CCDC172: variants seen among roughly 807,000 people sequenced by gnomAD.
CCDC172 encodes the protein coiled-coil domain-containing protein 172.
CCDC172 carries 30 observed loss-of-function variants against 38.0 expected under a neutral mutation model. The observed-to-expected ratio is 0.79, with a 90% CI of 0.59 to 1.07. CCDC172 has a LOEUF of 1.07. Among genes scored for constraint, CCDC172 ranks in the 50% least tolerant of loss-of-function variants. The pLI is 0.00. For missense variants in CCDC172, 297 were observed against 290.1 expected, an observed-to-expected ratio of 1.02 and a Z score of -0.17; for synonymous variants, 78 against 88.3, an observed-to-expected ratio of 0.88 and a Z score of 0.66.
chr10:116,355,206 T>C (rs1221997177), intron 5 of CCDC172, among the ~76,000 whole-genome samples: 1 of 152,214 alleles, frequency 6.6e-6, no homozygotes, highest in Non-Finnish European at 1.5e-5. Context: ...GCTCCATTCA[T>C]GGTAAGTATC....
intron 7 of CCDC172, among the ~76,000 whole-genome samples, chr10:116,365,362 C>G (rs1845111289): frequency 6.6e-6 from 1 of 152,130 alleles, no homozygotes; most frequent in Admixed American, 6.5e-5. Context: ...CCACCTAATT[C>G]TGATAGGCAT....
intron 3 of CCDC172, among the ~76,000 whole-genome samples, chr10:116,333,571 G>A (rs1844692431): frequency 6.6e-6 from 1 of 152,132 alleles, no homozygotes; most frequent in Non-Finnish European, 1.5e-5. Context: ...GATAGGTAAG[G>A]TAAGGTACTG....
intron 5 of CCDC172, among the ~76,000 whole-genome samples, chr10:116,353,604 T>C (rs1427909655): frequency 3.9e-5 from 6 of 152,198 alleles, no homozygotes; most frequent in Non-Finnish European, 8.8e-5. Context: ...ACAAAGCCAC[T>C]TCCAGTAGGG....
intron 3 of CCDC172, among the ~76,000 whole-genome samples, chr10:116,326,348 T>C (rs1367279129): frequency 6.6e-6 from 1 of 152,188 alleles, no homozygotes; most frequent in Non-Finnish European, 1.5e-5. Context: ...AAGGCCTCGC[T>C]ATGGGTGGGG....
chr10:116,360,760 C>T (rs534355744), intron 7 of CCDC172, among the ~76,000 whole-genome samples: 1 of 152,082 alleles, frequency 6.6e-6, no homozygotes, highest in Non-Finnish European at 1.5e-5. Flanking sequence ...TCTGCTTCTC[C>T]ATCTCTTAAG....
intron 7 of CCDC172, among the ~76,000 whole-genome samples, chr10:116,376,450 T>C (rs1243838741): frequency 6.6e-6 from 1 of 152,202 alleles, no homozygotes; most frequent in Non-Finnish European, 1.5e-5. Context: ...CCACAGCTCC[T>C]AGCTTTTGTT....
chr10:116,324,704 G>T, intron 1 of CCDC172, 91 bp downstream of exon 1: 1 of 304,436 alleles, frequency 3.3e-6, no homozygotes, highest in Non-Finnish European at 6.1e-6. Context: ...AGGGAAAAAG[G>T]CAGACCTTGA....
At chr10:116,332,739 GT>G (rs199802492) in intron 3 of CCDC172, among the ~76,000 whole-genome samples, 26 of 148,086 alleles carry the variant, frequency 1.8e-4, no homozygotes, top group African/African-American at 3.7e-4. Context: ...TACAGATATG[GT>G]TTTTTTTTTC....
intron 5 of CCDC172, among the ~76,000 whole-genome samples, chr10:116,344,384 T>C (rs1378200832): frequency 6.6e-6 from 1 of 152,244 alleles, no homozygotes; most frequent in Non-Finnish European, 1.5e-5. Flanking sequence ...GTTACTATAC[T>C]GAAGACTGTA....
In CCDC172 at chr10:116,357,880, C is replaced by T. The variant is rs1241590669; in HGVS notation, c.595C>T (p.Leu199=). 2.5e-6 allele frequency: 4 copies of T among 1,571,046 alleles called. No individual in the cohort carries two copies. The Admixed American group carries it at 5.9e-5, about 23-fold the overall frequency. Residue 199 remains leucine (L), a synonymous_variant, in exon 7 of 9, where the codon CTA becomes TTA. Transcript: ENST00000333254. Reference sequence around the variant, plus strand: ...TGAATCCATTTGTACTACCAAATATCTAGAGGCAGAAAAAATAAAAATCAG... The same window carrying T: ...TGAATCCATTTGTACTACCAAATATTTAGAGGCAGAAAAAATAAAAATCAG... ...ENESICTTKY[L]EAEKIKISEK... is the part of the protein sequence containing the mutation.
chr10:116,364,016 T>A (rs1348047505), intron 7 of CCDC172, among the ~76,000 whole-genome samples: 1 of 151,624 alleles, frequency 6.6e-6, no homozygotes, highest in Non-Finnish European at 1.5e-5. Context: ...TAAACTGGAA[T>A]AAAATTATAG....
chr10:116,330,816 C>T (rs1014670018), intron 3 of CCDC172, among the ~76,000 whole-genome samples: 4 of 152,140 alleles, frequency 2.6e-5, no homozygotes, highest in Non-Finnish European at 2.9e-5. Context: ...TCACTGCAAC[C>T]TCAAACTCCT....
intron 3 of CCDC172, among the ~76,000 whole-genome samples, chr10:116,326,377 ATATT>A (rs1320646842): frequency 1.3e-5 from 2 of 152,176 alleles, no homozygotes; most frequent in Non-Finnish European, 2.9e-5. Context: ...TTATTCAAAA[ATATT>A]TATTAAGTAC....
intron 7 of CCDC172, among the ~76,000 whole-genome samples, chr10:116,374,276 A>C (rs1224025009): frequency 1.3e-5 from 2 of 152,138 alleles, no homozygotes; most frequent in East Asian, 3.9e-4. Flanking sequence ...TGCTTCCCGT[A>C]AGTGAAAAGA....
intron 5 of CCDC172, among the ~76,000 whole-genome samples, chr10:116,343,093 A>C (rs1844816228): frequency 6.6e-6 from 1 of 152,182 alleles, no homozygotes; most frequent in South Asian, 2.1e-4. Flanking sequence ...AGCAGTTGCC[A>C]AGTAGGGAAA....
intron 4 of CCDC172, among the ~76,000 whole-genome samples, chr10:116,341,447 C>T (rs1844794181): frequency 6.6e-6 from 1 of 151,986 alleles, no homozygotes; most frequent in South Asian, 2.1e-4. Context: ...TATATTCTAG[C>T]ATTGTCAAAG....
chr10:116,333,850 G>C (rs1322457052), intron 3 of CCDC172, among the ~76,000 whole-genome samples: 1 of 152,156 alleles, frequency 6.6e-6, no homozygotes, highest in Non-Finnish European at 1.5e-5. Context: ...AACAGGAGGT[G>C]AGTTCTGAAA....
chr10:116,333,731 T>G (rs1421950943), intron 3 of CCDC172, among the ~76,000 whole-genome samples: 1 of 152,206 alleles, frequency 6.6e-6, no homozygotes, highest in South Asian at 2.1e-4. Context: ...GATTACTGTC[T>G]CGCTGAGATG....
At chr10:116,360,745 C>T (rs1845053046) in intron 7 of CCDC172, among the ~76,000 whole-genome samples, 1 of 152,044 alleles carries the variant, frequency 6.6e-6, no homozygotes, top group African/African-American at 2.4e-5. Flanking sequence ...AGCGTGTTTT[C>T]CCACTCTGCT....
Sources: allele counts gnomAD v4.1 joint callset (sites outside exome capture counted in the v4.1 genomes callset), GRCh38; gene constraint gnomAD v4.1.1; transcripts MANE v1.5; gene names NCBI Gene and HGNC (gene_info 2026-07-23, HGNC 2026-07-21).